Variants in MMEL1 observed in about 807,000 individuals in gnomAD.
MMEL1 encodes membrane metallo-endopeptidase-like 1.
In MMEL1, 98 loss-of-function variants were observed where a neutral mutation model predicts 117.1. That is an observed-to-expected ratio of 0.84 (90% confidence interval 0.71 to 0.99). The LOEUF is 0.99. MMEL1 is among the 50% of genes least tolerant of loss of function. MMEL1 has a pLI of 0.00. For synonymous variants in MMEL1, 390 were observed against 415.1 expected (o/e 0.94, Z 0.74); for missense variants, 1,014 against 1,049.1 (o/e 0.97, Z 0.46).
At chr1:2,607,136 T>C (rs377140177) in intron 6 of MMEL1, 67 bp from the exon 7 acceptor site, 3 of 1,440,676 alleles carry the variant, frequency 2.1e-6, no homozygotes, top group East Asian at 2.3e-5. Context: ...CACAGAACTG[T>C]GGGGGCGCCG....
rs574169293 is a variant in MMEL1 at position 2,612,480 on chromosome 1, G to A, written c.155-276C>T. On this transcript the variant is annotated intron_variant, in intron 2 of 23. Transcript: ENST00000378412. The surrounding 1 kb of genome is among the most constrained non-coding windows in gnomAD (Gnocchi z 5.4). ...TAATTCTCCCTCCACCCACCCCAAG[G>A]TCCCCGATGTGCCAGGGCCTAGAGG... Among the ~76,000 whole-genome samples the A allele has an allele frequency of 2.0e-5, 3 of 152,164 alleles. No individual in the cohort carries two copies. The East Asian group carries it at 5.8e-4, about 29-fold the overall frequency.
At position 2,592,945 on chromosome 1, in the gene MMEL1, C is replaced by G. The variant is rs768758720; in HGVS notation, c.1889G>C (p.Gly630Ala). The G allele has an allele frequency of 3.5e-5, 57 of 1,613,534 alleles. No homozygotes were observed. In the Admixed American group the frequency reaches 9.3e-4, roughly 26 times the overall value. The change falls in exon 20 of 24, where the codon GGC becomes GCC. Residue 630 changes from glycine (G) to alanine (A), a missense_variant. By Grantham distance (60) the Gly-to-Ala change is moderately conservative. Transcript: ENST00000378412. ...DDNGRNFDKN[G>A]NMMDWWSNFS... is the part of the protein sequence containing the mutation. ...GTTACTCCACCAATCCATCATGTTG[C>G]CATTCTTGTCGAAGTTCCGGCCTGG...
intron 17 of MMEL1, 125 bp from the exon 18 acceptor site, chr1:2,594,568 G>C: frequency 8.1e-7 from 1 of 1,232,618 alleles, no homozygotes; most frequent in Non-Finnish European, 1.2e-6. Context: ...CCTATCCCAA[G>C]ATCTGGTTCC....
At position 2,590,952 on chromosome 1, in the gene MMEL1, C is replaced by T. The variant is rs760544921; in HGVS notation, c.*38G>A. 41 of 1,432,494 alleles carry T rather than the reference C, an allele frequency of 2.9e-5. No individual in the cohort carries two copies. Among genetic ancestry groups the T allele is most frequent in the African/African-American group, 5.8e-5 (4 of 69,334 alleles). 88.7% of individuals were successfully genotyped at this position (1,432,494 alleles called of 1,614,324 possible). A position where few individuals can be genotyped will look rare whatever the true frequency, so the allele number is the denominator to read the frequency against. On this transcript the variant is annotated 3_prime_UTR_variant, in exon 24 of 24. Transcript: ENST00000378412. The stretch of plus-strand genomic sequence containing the variant: ...CCTTCGCACAGATGCCTCCGAGCAG[C>T]GGGTGGGCGTGGGCCGCACAGCGCG...
intron 10 of MMEL1, 23 bp downstream of exon 10, chr1:2,604,124 C>CGGG: frequency 1.6e-6 from 2 of 1,228,682 alleles, no homozygotes; most frequent in Non-Finnish European, 2.4e-6. Flanking sequence ...CTGCCCGCTC[C>CGGG]CCACCCGCCC....
chr1:2,631,003 GTGTGCGCTCATGTGCA>G (rs1557566661), intron 1 of MMEL1, among the ~76,000 whole-genome samples: 1 of 151,886 alleles, frequency 6.6e-6, no homozygotes, highest in African/African-American at 2.4e-5. Flanking sequence ...GCACCTGTGC[GTGTGCGCTCATGTGCA>G]TGTGCATGAT....
chr1:2,607,016 C>T lies in MMEL1; in HGVS notation c.589G>A (p.Gly197Arg), dbSNP rs148947796. Residue 197 changes from glycine to arginine, a missense_variant, in exon 7 of 24, where the codon GGA (glycine) becomes AGA (arginine). Gly to Arg is a moderately radical substitution (Grantham distance 125). Coordinates refer to ENST00000378412, the MANE Select transcript of MMEL1 (RefSeq NM_033467.4). ...QPLLDILEVV[G>R]GWPVAMDRWN... ...CTGTCCATCGCCACCGGCCAGCCTC[C>T]CACCACCTCCAAGATGTCCAGCAGG... 6.2e-6 allele frequency: 10 copies of T among 1,613,386 alleles called. No individual in the cohort carries two copies. The highest frequency in any genetic ancestry group is 4.0e-5 in the African/African-American group (3 of 74,944).
At chr1:2,606,758 G>A (rs1017544352) in intron 7 of MMEL1, among the ~76,000 whole-genome samples, 6 of 152,166 alleles carry the variant, frequency 3.9e-5, no homozygotes, top group Non-Finnish European at 8.8e-5. Context: ...AGGGCTGGAT[G>A]GGACTGGCCA....
chr1:2,627,747 A>G lies in MMEL1; in HGVS notation c.154+1584T>C, dbSNP rs185359857. Reference sequence around the variant, plus strand: ...ATGAGAAAATACACAGAAATAAATGATAATAACTGCTTAGAAAACCTTCCA... The same window carrying G: ...ATGAGAAAATACACAGAAATAAATGGTAATAACTGCTTAGAAAACCTTCCA... On this transcript the variant is annotated intron_variant, in intron 2 of 23. Coordinates refer to ENST00000378412, the MANE Select transcript of MMEL1 (RefSeq NM_033467.4). Among the ~76,000 whole-genome samples, 337 of 152,372 alleles carry G rather than the reference A, an allele frequency of 2.2e-3. 1 individual carries two copies. Among genetic ancestry groups the G allele is most frequent in the African/African-American group, 7.9e-3 (330 of 41,588 alleles).
chr1:2,617,489 A>G (rs1378147920), intron 2 of MMEL1, among the ~76,000 whole-genome samples: 1 of 150,464 alleles, frequency 6.6e-6, no homozygotes, highest in Non-Finnish European at 1.5e-5. Flanking sequence ...AATCCCATCT[A>G]CTCAAGAGGC....
At chr1:2,608,957 T>C (rs1178510566) in intron 6 of MMEL1, among the ~76,000 whole-genome samples, 2 of 151,680 alleles carry the variant, frequency 1.3e-5, no homozygotes, top group Non-Finnish European at 2.9e-5. Flanking sequence ...TATACATACA[T>C]ATACACACAA....
At chr1:2,597,912 C>T (rs1644869495) in intron 13 of MMEL1, among the ~76,000 whole-genome samples, 1 of 152,224 alleles carries the variant, frequency 6.6e-6, no homozygotes, top group African/African-American at 2.4e-5. Flanking sequence ...CCCGGGAAAT[C>T]ACCCCGCCGC....
Position 2,595,491 on chromosome 1 carries a change from G to T in MMEL1, c.1501-132C>A. On this transcript the variant is annotated intron_variant, in intron 15 of 23. Transcript: ENST00000378412. The surrounding 1 kb of genome is among the most constrained non-coding windows in gnomAD (Gnocchi z 4.8). Reference sequence around the variant, plus strand: ...CCTGGCTGTGCTCTCCCTGTCCTGTGGTGAGGGGCTGGGGGGCTCCGGGAT... The same window carrying T: ...CCTGGCTGTGCTCTCCCTGTCCTGTTGTGAGGGGCTGGGGGGCTCCGGGAT... 1 of 737,696 alleles carries T rather than the reference G, an allele frequency of 1.4e-6. No individual in the cohort carries two copies. The highest frequency in any genetic ancestry group is 2.3e-6 in the Non-Finnish European group (1 of 426,082). The allele number at this position is 737,696 out of a possible 1,614,324, so 45.7% of individuals were successfully genotyped here.
rs576252354 is a variant in MMEL1 at position 2,591,466 on chromosome 1, C to G, written c.2240+91G>C. The G allele has an allele frequency of 3.7e-6, 4 of 1,075,306 alleles. No homozygotes were observed. The East Asian group carries it at 9.4e-5, about 25-fold the overall frequency. The allele number at this position is 1,075,306 out of a possible 1,614,324, so 66.6% of individuals were successfully genotyped here. Reference sequence around the variant, plus strand: ...CCAAAATAAACCTGTCTCTGTTGAGCCACTTTTTGTGCTTTCTTCTTTTAC... The same window carrying G: ...CCAAAATAAACCTGTCTCTGTTGAGGCACTTTTTGTGCTTTCTTCTTTTAC... On this transcript the variant is annotated intron_variant, in intron 23 of 23. Coordinates refer to ENST00000378412, the MANE Select transcript of MMEL1 (RefSeq NM_033467.4).
At position 2,632,966 on chromosome 1, in the gene MMEL1, C is replaced by G; in HGVS notation, c.-138G>C. On this transcript the variant is annotated 5_prime_UTR_variant, in exon 1 of 24. Transcript: ENST00000378412. The stretch of plus-strand genomic sequence containing the variant: ...TGAGCTGGGCCAAGTGGGTGGATTT[C>G]CAGGGACTGGGATGGGAGAGCAGTG... 1 of 985,732 alleles carries G rather than the reference C, an allele frequency of 1.0e-6. No individual in the cohort carries two copies. Among genetic ancestry groups the G allele is most frequent in the Non-Finnish European group, 1.2e-6 (1 of 830,120 alleles). The allele number at this position is 985,732 out of a possible 1,614,324, so 61.1% of individuals were successfully genotyped here. A position where few individuals can be genotyped will look rare whatever the true frequency, so the allele number is the denominator to read the frequency against.
intron 20 of MMEL1, 22 bp from the exon 21 acceptor site, chr1:2,592,742 G>T: frequency 6.2e-7 from 1 of 1,611,052 alleles, no homozygotes; most frequent in Non-Finnish European, 8.5e-7. Context: ...AGACAGGATT[G>T]GGGCAGCCCC....
rs375267916 is a variant in MMEL1, at chr1:2,606,237, G to A, written c.750+11C>T. 8.0e-5 allele frequency: 129 copies of A among 1,609,266 alleles called. No homozygotes were observed. In the African/African-American group the frequency reaches 1.3e-3, roughly 16 times the overall value. On this transcript the variant is annotated intron_variant, in intron 8 of 23. Transcript: ENST00000378412. Reference sequence around the variant, plus strand: ...ACCCTGCCTACCCCTGCCCACCGGCGCGGCTCGTACGTAGATGATGTGCCG... The same window carrying A: ...ACCCTGCCTACCCCTGCCCACCGGCACGGCTCGTACGTAGATGATGTGCCG...
intron 1 of MMEL1, among the ~76,000 whole-genome samples, chr1:2,631,541 T>C (rs1324713070): frequency 1.1e-4 from 16 of 152,106 alleles, no homozygotes. Context: ...CCCTGACCTC[T>C]GGCTGTGTGA....
At chr1:2,591,264 C>T (rs886265658) in intron 23 of MMEL1, 175 bp from the exon 24 acceptor site, 3 of 598,858 alleles carry the variant, frequency 5.0e-6, no homozygotes, top group African/African-American at 3.7e-5. Context: ...ACATGCCAAT[C>T]CTGAGAATAA....
Sources: gnomAD v4.1 joint callset for allele counts (sites outside exome capture counted in the v4.1 genomes callset) on GRCh38, gnomAD v4.1.1 for gene constraint, Gnocchi (gnomAD v3.1) non-coding constraint, MANE v1.5 for transcripts, NCBI Gene and HGNC (gene_info 2026-07-23, HGNC 2026-07-21) for gene names.